The following ABCA13 variants were observed in gnomAD, a reference collection of about 807,000 sequenced individuals.
The protein encoded by ABCA13 is ATP binding cassette subfamily A member 13, also known as ATP-binding cassette sub-family A member 13.
A neutral mutation model predicts 478.7 loss-of-function variants in ABCA13; 476 were observed. The ratio of observed to expected loss-of-function variants is 0.99; its 90% confidence interval spans 0.92 to 1.07. The LOEUF (loss-of-function observed/expected upper bound fraction) is 1.07. Among genes scored for constraint, ABCA13 ranks in the 50% least tolerant of loss-of-function variants. The pLI, the probability that ABCA13 is intolerant of heterozygous loss-of-function variation, is 0.00. For synonymous variants in ABCA13, 2,252 were observed against 2,158.9 expected, an observed-to-expected ratio of 1.04 and a Z score of -1.20; for missense variants, 6,060 against 5,910.6, an observed-to-expected ratio of 1.03 and a Z score of -0.83.
chr7:48,345,919 C>A (rs1486581125), intron 29 of ABCA13, among the ~76,000 whole-genome samples: 1 of 152,132 alleles, frequency 6.6e-6, no homozygotes, highest in Non-Finnish European at 1.5e-5. Flanking sequence ...CATATAAAAT[C>A]TTTCATATCA....
At chr7:48,509,234 A>G (rs1026167811) in intron 50 of ABCA13, among the ~76,000 whole-genome samples, 4 of 152,204 alleles carry the variant, frequency 2.6e-5, no homozygotes, top group Non-Finnish European at 5.9e-5. Flanking sequence ...GGCAAGTGGA[A>G]GTGACTTGTC....
intron 45 of ABCA13, among the ~76,000 whole-genome samples, chr7:48,477,542 A>G (rs1356290537): frequency 6.6e-6 from 1 of 152,118 alleles, no homozygotes; most frequent in African/African-American, 2.4e-5. Context: ...CATATACACC[A>G]TGGAATACTA....
At chr7:48,536,135 G>T (rs1833562190) in intron 55 of ABCA13, among the ~76,000 whole-genome samples, 1 of 152,120 alleles carries the variant, frequency 6.6e-6, no homozygotes, top group African/African-American at 2.4e-5. Context: ...GGCTAGTCCT[G>T]CCTCCTTTCC....
At chr7:48,475,219 A>T (rs1284900835) in intron 45 of ABCA13, among the ~76,000 whole-genome samples, 1 of 152,108 alleles carries the variant, frequency 6.6e-6, no homozygotes, top group Non-Finnish European at 1.5e-5. Flanking sequence ...CAGGGAGTTG[A>T]GGTGGAATTA....
At chr7:48,422,461 G>A (rs1379553078) in intron 41 of ABCA13, among the ~76,000 whole-genome samples, 2 of 152,166 alleles carry the variant, frequency 1.3e-5, no homozygotes, top group Admixed American at 1.3e-4. Flanking sequence ...TATAACTTAT[G>A]TCTTTTAATC....
chr7:48,337,837 A>G (rs1254170700), intron 28 of ABCA13, among the ~76,000 whole-genome samples: 3 of 152,254 alleles, frequency 2.0e-5, no homozygotes, highest in Non-Finnish European at 4.4e-5. Context: ...TTTGTCTCCA[A>G]TCATTGAAAA....
At chr7:48,529,000 C>A (rs1833052884) in intron 55 of ABCA13, among the ~76,000 whole-genome samples, 1 of 152,196 alleles carries the variant, frequency 6.6e-6, no homozygotes. Flanking sequence ...CCCTTTCACT[C>A]CCATTTCACA....
chr7:48,519,264 A>G (rs1323087622), intron 52 of ABCA13, among the ~76,000 whole-genome samples: 4 of 152,162 alleles, frequency 2.6e-5, no homozygotes, highest in Non-Finnish European at 4.4e-5. Context: ...CAGTGAACAT[A>G]TGTGTGCACA....
chr7:48,413,214 A>C (rs1819515860), intron 41 of ABCA13, among the ~76,000 whole-genome samples: 1 of 152,164 alleles, frequency 6.6e-6, no homozygotes, highest in African/African-American at 2.4e-5. Flanking sequence ...GTAATTCTTC[A>C]TGTAGAGATG....
intron 48 of ABCA13, among the ~76,000 whole-genome samples, chr7:48,490,971 G>GA (rs1334117308): frequency 6.6e-6 from 1 of 152,038 alleles, no homozygotes; most frequent in African/African-American, 2.4e-5. Context: ...GAATCCAGAG[G>GA]AAAAAAATGA....
chr7:48,274,528 C>T lies in ABCA13; in HGVS notation c.4862C>T (p.Ser1621Leu), dbSNP rs976734317. Residue 1621 changes from serine (S) to leucine (L), a missense_variant, in exon 17 of 62, where the codon TCA becomes TTA. This residue lies in a region of ABCA13 where 4,423 missense variants were observed against 4,309.1 expected (regional missense o/e 1.03). Transcript: ENST00000435803. ...CAAAATTCACCAAAAATAATAATTT[C>T]ACCTGAAATAATGAAAGCTACAGGT... Reference protein sequence around the residue: ...DLQNSPKIIISPEIMKATGLG... With the variant: ...DLQNSPKIIILPEIMKATGLG... 3 of 1,613,698 alleles carry T rather than the reference C, an allele frequency of 1.9e-6. No individual in the cohort carries two copies. Among genetic ancestry groups the T allele is most frequent in the East Asian group, 2.2e-5 (1 of 44,880 alleles).
chr7:48,475,715 C>A (rs144853693), intron 45 of ABCA13, among the ~76,000 whole-genome samples: 2,143 of 152,170 alleles, frequency 0.014, 54 homozygotes, highest in African/African-American at 0.048. Context: ...CCACCTGCCT[C>A]GGCCTCCCAA....
At chr7:48,241,215 T>C (rs1458984482) in intron 10 of ABCA13, 149 bp downstream of exon 10, 4 of 1,018,130 alleles carry the variant, frequency 3.9e-6, no homozygotes, top group Non-Finnish European at 5.7e-6. Flanking sequence ...GAGGCTTTCA[T>C]TGTGGACCAT....
chr7:48,295,667 G>T, intron 20 of ABCA13, 33 bp from the exon 21 acceptor site: 3 of 1,611,996 alleles, frequency 1.9e-6, no homozygotes, highest in Non-Finnish European at 2.5e-6. Context: ...AAGTATGTGT[G>T]CTTCTAACCT....
At chr7:48,249,449 G>A in intron 15 of ABCA13, 98 bp downstream of exon 15, 3 of 1,493,698 alleles carry the variant, frequency 2.0e-6, no homozygotes, top group Admixed American at 2.1e-5. Flanking sequence ...ACAAAGCGGG[G>A]CTTAAAATGG....
chr7:48,392,209 A>G lies in ABCA13; in HGVS notation c.11873+70A>G. On this transcript the variant is annotated intron_variant, in intron 38 of 61. Transcript: ENST00000435803. ...GTGTAAGGAAGTGAAGACAATAGAA[A>G]GAGACACTTAAAAAATCATCTGTGT... The G allele has an allele frequency of 4.3e-6, 6 of 1,410,292 alleles. No individual in the cohort carries two copies. In the South Asian group the frequency reaches 7.2e-5, roughly 17 times the overall value. 87.4% of individuals were successfully genotyped at this position (1,410,292 alleles called of 1,614,324 possible). A position where few individuals can be genotyped will look rare whatever the true frequency, so the allele number is the denominator to read the frequency against.
At chr7:48,285,770 A>T (rs1797649031) in intron 19 of ABCA13, among the ~76,000 whole-genome samples, 1 of 152,208 alleles carries the variant, frequency 6.6e-6, no homozygotes, top group Non-Finnish European at 1.5e-5. Context: ...AGACCAGAGG[A>T]TATGTTTATG....
At position 48,328,326 on chromosome 7, in the gene ABCA13, G is replaced by C. The variant is rs767404534; in HGVS notation, c.10000-7096G>C. On this transcript the variant is annotated intron_variant, in intron 27 of 61. Coordinates refer to ENST00000435803, the MANE Select transcript of ABCA13 (RefSeq NM_152701.5). ...ATTGCAATCCACTTTCTGACTGTAG[G>C]CATCAAATCAGTTATTGGAAAGCAA... Among the ~76,000 whole-genome samples, 64 of 152,278 alleles carry C rather than the reference G, an allele frequency of 4.2e-4. 1 individual carries two copies. Among genetic ancestry groups the C allele is most frequent in the Admixed American group, 3.3e-3 (50 of 15,294 alleles).
intron 1 of ABCA13, among the ~76,000 whole-genome samples, chr7:48,190,653 AC>A (rs1391965711): frequency 6.6e-6 from 1 of 152,186 alleles, no homozygotes; most frequent in Admixed American, 6.5e-5. Flanking sequence ...AAATAGAAAA[AC>A]ATGCAAATTT....
Sources: allele counts gnomAD v4.1 joint callset (sites outside exome capture counted in the v4.1 genomes callset), GRCh38; gene constraint gnomAD v4.1.1; regional missense constraint gnomAD v4.1.1; transcripts MANE v1.5; gene names NCBI Gene and HGNC (gene_info 2026-07-23, HGNC 2026-07-21).